Variants in STON2 observed in about 807,000 individuals in gnomAD.
STON2 encodes the protein stonin-2.
STON2 carries 29 observed loss-of-function variants against 65.7 expected under a neutral mutation model. The ratio of observed to expected loss-of-function variants is 0.44; its 90% CI spans 0.33 to 0.60. STON2 has a LOEUF of 0.60. STON2 is among the 20% of genes least tolerant of loss of function. The pLI is 0.03. For missense variants in STON2, 1,054 were observed against 1,118.1 expected (o/e 0.94, Z 0.82); for synonymous variants, 404 against 414.2 (o/e 0.98, Z 0.30).
intron 5 of STON2, among the ~76,000 whole-genome samples, chr14:81,285,875 C>T (rs1237746150): frequency 2.0e-5 from 3 of 152,124 alleles, no homozygotes; most frequent in South Asian, 2.1e-4. Flanking sequence ...AGGCCGGGTG[C>T]GGTGGCTCAT....
intron 2 of STON2, among the ~76,000 whole-genome samples, chr14:81,424,971 A>C (rs1006010282): frequency 6.6e-6 from 1 of 152,230 alleles, no homozygotes; most frequent in Admixed American, 6.5e-5. Context: ...ACACTGTTAC[A>C]TACATTTGGT....
At chr14:81,333,649 C>T (rs571861100) in intron 4 of STON2, among the ~76,000 whole-genome samples, 3 of 152,136 alleles carry the variant, frequency 2.0e-5, no homozygotes, top group Non-Finnish European at 4.4e-5. Flanking sequence ...GCAAATCCTT[C>T]GAGATGAGAG....
At chr14:81,297,821 C>T (rs1274693398) in intron 5 of STON2, among the ~76,000 whole-genome samples, 3 of 152,176 alleles carry the variant, frequency 2.0e-5, no homozygotes, top group Non-Finnish European at 4.4e-5. Flanking sequence ...GGCAGATCAC[C>T]TGAGGTCAGG....
chr14:81,393,837 A>T (rs1217789028), intron 3 of STON2, among the ~76,000 whole-genome samples: 1 of 152,126 alleles, frequency 6.6e-6, no homozygotes, highest in Non-Finnish European at 1.5e-5. Context: ...GCCTGTCTGG[A>T]CCTGTCACTT....
chr14:81,399,466 T>C (rs533724371), intron 1 of STON2, among the ~76,000 whole-genome samples: 1 of 152,316 alleles, frequency 6.6e-6, no homozygotes, highest in East Asian at 1.9e-4. Flanking sequence ...ACAACTTAAC[T>C]CACAGTCTTC....
chr14:81,356,014 A>G (rs1181083583), intron 4 of STON2, among the ~76,000 whole-genome samples: 5 of 152,050 alleles, frequency 3.3e-5, no homozygotes, highest in Admixed American at 3.3e-4. Context: ...TCTCCTGCCT[A>G]ATTGCCCTGG....
At chr14:81,294,879 T>C (rs1368691370) in intron 5 of STON2, among the ~76,000 whole-genome samples, 3 of 152,210 alleles carry the variant, frequency 2.0e-5, no homozygotes, top group Non-Finnish European at 2.9e-5. Context: ...CATGTGAACA[T>C]GCTTCTAAAC....
At chr14:81,330,468 T>C (rs1305492088) in intron 4 of STON2, among the ~76,000 whole-genome samples, 1 of 152,106 alleles carries the variant, frequency 6.6e-6, no homozygotes, top group Non-Finnish European at 1.5e-5. Flanking sequence ...ATTTATGTTA[T>C]AGTAGTGTTT....
chr14:81,315,139 T>C (rs927372642), intron 5 of STON2, among the ~76,000 whole-genome samples: 3 of 152,204 alleles, frequency 2.0e-5, no homozygotes, highest in African/African-American at 7.2e-5. Flanking sequence ...CCTCCAAATT[T>C]AGAAGTGAAC....
chr14:81,299,884 A>ATT (rs34221546), intron 5 of STON2, among the ~76,000 whole-genome samples: 29,060 of 149,034 alleles, frequency 0.19, 2,827 homozygotes, highest in Admixed American at 0.23. Flanking sequence ...TGGAAAAAAA[A>ATT]TTTTTTTTTT....
At chr14:81,378,704 T>C (rs150925585) in intron 3 of STON2, among the ~76,000 whole-genome samples, 2,024 of 152,358 alleles carry the variant, frequency 0.013, 50 homozygotes, top group African/African-American at 0.046. Context: ...AAAATTACAA[T>C]TTATTTGCCC....
Position 81,336,280 on chromosome 14 carries a change from C to CTG in STON2, c.572-12095_572-12094dup, listed in dbSNP as rs147262099. On this transcript the variant is annotated intron_variant, in intron 4 of 7. Coordinates refer to ENST00000614646, the MANE Select transcript of STON2 (RefSeq NM_001394390.1). The stretch of plus-strand genomic sequence containing the variant: ...ACCTCATTTCATTCCTCAATAAACT[C>CTG]TGTGAAGCGGTTAGGTAGGGTGGGT... Among the ~76,000 whole-genome samples the CTG allele has an allele frequency of 4.8e-3, 735 of 152,212 alleles. 2 individuals carry two copies. Among genetic ancestry groups the CTG allele is most frequent in the African/African-American group, 0.016 (685 of 41,528 alleles).
Position 81,419,120 on chromosome 14 carries a change from GTATTT to G in STON2, c.-199+7977_-199+7981del, listed in dbSNP as rs1415552668. ...TAACACTCTTTATCATTCTCATATT[GTATTT>G]TAAAGAGGGAATATTAATAACTATA... On this transcript the variant is annotated intron_variant, in intron 2 of 8. Coordinates refer to the STON2 transcript ENST00000553821. Among the ~76,000 whole-genome samples, 10 of 151,066 alleles carry G rather than the reference GTATTT, an allele frequency of 6.6e-5. 4 individuals carry two copies. Among genetic ancestry groups the G allele is most frequent in the Admixed American group, 6.6e-4 (10 of 15,170 alleles).
intron 3 of STON2, among the ~76,000 whole-genome samples, chr14:81,389,110 C>T (rs1181785903): frequency 6.6e-6 from 1 of 152,078 alleles, no homozygotes; most frequent in Admixed American, 6.5e-5. Flanking sequence ...AGTATGGGCT[C>T]TTAATAGAAG....
intron 5 of STON2, among the ~76,000 whole-genome samples, chr14:81,301,024 GCAA>G (rs1026074117): frequency 3.3e-5 from 5 of 152,070 alleles, no homozygotes; most frequent in Admixed American, 2.6e-4. Context: ...ATTTATATAT[GCAA>G]CAACATGACG....
At chr14:81,293,219 G>C (rs894557107) in intron 5 of STON2, among the ~76,000 whole-genome samples, 11 of 151,108 alleles carry the variant, frequency 7.3e-5, no homozygotes, top group Non-Finnish European at 1.5e-4. Flanking sequence ...CCGTCATCAG[G>C]CTGGAGTGCA....
chr14:81,428,234 G>A (rs866422017), intron 1 of STON2, among the ~76,000 whole-genome samples: 4 of 152,130 alleles, frequency 2.6e-5, no homozygotes, highest in South Asian at 2.1e-4. Flanking sequence ...GTAGGGACAC[G>A]GAATGATTTA....
chr14:81,309,283 C>A (rs1000310473), intron 5 of STON2, among the ~76,000 whole-genome samples: 2 of 151,338 alleles, frequency 1.3e-5, no homozygotes, highest in East Asian at 3.9e-4. Flanking sequence ...CAAGGAGGTA[C>A]CAAATATTAG....
At chr14:81,409,493 T>G (rs185944852) in intron 2 of STON2, among the ~76,000 whole-genome samples, 1 of 151,806 alleles carries the variant, frequency 6.6e-6, no homozygotes, top group East Asian at 1.9e-4. Flanking sequence ...ATCAATGAAA[T>G]TGTCTTATTT....
Sources: gnomAD v4.1 joint callset for allele counts (sites outside exome capture counted in the v4.1 genomes callset) on GRCh38, gnomAD v4.1.1 for gene constraint, MANE v1.5 for transcripts, NCBI Gene and HGNC (gene_info 2026-07-23, HGNC 2026-07-21) for gene names.